GRK7: variants seen among roughly 807,000 people sequenced by gnomAD.
GRK7 encodes G protein-coupled receptor kinase 7, also known as rhodopsin kinase GRK7.
In GRK7, 24 loss-of-function variants were observed where a neutral mutation model predicts 34.1. That is an observed-to-expected ratio of 0.70 (90% CI 0.51 to 0.99). The LOEUF (loss-of-function observed/expected upper bound fraction) is 0.99, where lower values mean the gene tolerates loss of function less well. Ranked by LOEUF, GRK7 falls within the 50% of genes least tolerant of loss-of-function variation. The probability of loss-of-function intolerance (pLI) is 0.00; values close to 1 mark genes in which losing one functional copy is unlikely to be tolerated. For synonymous variants in GRK7, 256 were observed against 279.4 expected (o/e 0.92, Z 0.84); for missense variants, 644 against 707.3 (o/e 0.91, Z 1.02).
At chr3:141,804,631 ACACT>A (rs748822129) in intron 4 of GRK7, among the ~76,000 whole-genome samples, 13 of 151,098 alleles carry the variant, frequency 8.6e-5, no homozygotes, top group Admixed American at 5.3e-4. Flanking sequence ...ATACATACAC[ACACT>A]CACACACATG....
intron 4 of GRK7, among the ~76,000 whole-genome samples, chr3:141,799,958 T>C (rs1160566641): frequency 3.9e-5 from 6 of 152,200 alleles, no homozygotes; most frequent in Non-Finnish European, 8.8e-5. Flanking sequence ...TTAATGTCAC[T>C]CACCTTTGAA....
chr3:141,782,791 C>A (rs1434984897), intron 4 of GRK7, among the ~76,000 whole-genome samples: 2 of 142,286 alleles, frequency 1.4e-5, no homozygotes, highest in African/African-American at 2.6e-5. Context: ...GGCTACAAAG[C>A]GAGACTCCAT....
chr3:141,765,341 G>T lies in GRK7; in HGVS notation c.-612G>T, dbSNP rs1425137601. On this transcript the variant is annotated 5_prime_UTR_variant, in exon 1 of 6. Coordinates refer to ENST00000682958, the MANE Select transcript of GRK7 (RefSeq NM_139209.3). Reference sequence around the variant, plus strand: ...CTCATCATTTTCTCAATTCAGTCTTGCCTGACCACCCTATTTAAAAGTGAA... The same window carrying T: ...CTCATCATTTTCTCAATTCAGTCTTTCCTGACCACCCTATTTAAAAGTGAA... 6.6e-6 allele frequency among the ~76,000 whole-genome samples: 1 copy of T among 152,104 alleles called. No homozygotes were observed. The highest frequency in any genetic ancestry group is 1.5e-5 in the Non-Finnish European group (1 of 68,028).
At chr3:141,794,433 G>A (rs2084739829) in intron 4 of GRK7, among the ~76,000 whole-genome samples, 1 of 152,146 alleles carries the variant, frequency 6.6e-6, no homozygotes, top group African/African-American at 2.4e-5. Flanking sequence ...CTTGCTTTAG[G>A]GGAAATGAAA....
intron 4 of GRK7, among the ~76,000 whole-genome samples, chr3:141,797,471 C>G (rs1168378094): frequency 6.6e-6 from 1 of 152,224 alleles, no homozygotes; most frequent in South Asian, 2.1e-4. Context: ...GGCCAGGCCC[C>G]CCTCGGAGGA....
At chr3:141,753,875 C>G in the GRK7 span, among the ~76,000 whole-genome samples, 2 of 152,200 alleles carry the variant, frequency 1.3e-5, no homozygotes, top group Admixed American at 1.3e-4. Context: ...CAGATTATTA[C>G]TAACATTTAT....
chr3:141,775,819 G>A (rs1314438640), intron 2 of GRK7, among the ~76,000 whole-genome samples: 3 of 151,496 alleles, frequency 2.0e-5, no homozygotes, highest in African/African-American at 4.9e-5. Context: ...TAATGTAGTT[G>A]CTAGAAAATT....
At chr3:141,784,148 C>T (rs1484679550) in intron 4 of GRK7, among the ~76,000 whole-genome samples, 2 of 152,164 alleles carry the variant, frequency 1.3e-5, no homozygotes, top group Non-Finnish European at 2.9e-5. Flanking sequence ...AGGCTCTGTT[C>T]ATGGGCCATG....
At chr3:141,793,260 C>T (rs1430540140) in intron 4 of GRK7, among the ~76,000 whole-genome samples, 1 of 152,238 alleles carries the variant, frequency 6.6e-6, no homozygotes, top group Admixed American at 6.5e-5. Flanking sequence ...AAGGCCTGGA[C>T]TTGCCACTGG....
chr3:141,766,410 G>T (rs2677423), intron 1 of GRK7, among the ~76,000 whole-genome samples: 1 of 151,854 alleles, frequency 6.6e-6, no homozygotes, highest in Non-Finnish European at 1.5e-5. Context: ...TGATCCACCC[G>T]CCTCGGCCTC....
the GRK7 span, among the ~76,000 whole-genome samples, chr3:141,754,469 C>G: frequency 7.5e-6 from 1 of 133,370 alleles, no homozygotes; most frequent in Non-Finnish European, 1.5e-5. Context: ...GGGTCTCACT[C>G]TGTCACCCAG....
Position 141,800,394 on chromosome 3 carries a change from A to C in GRK7, c.1051-7251A>C, listed in dbSNP as rs559598229. ...ATTGTCATTTGTAAAAAAAAAAAAA[A>C]AAAAAAAAAAACTCTTCAAAATGAA... On this transcript the variant is annotated intron_variant, in intron 4 of 5. Coordinates refer to ENST00000682958, the MANE Select transcript of GRK7 (RefSeq NM_139209.3). Among the ~76,000 whole-genome samples the C allele has an allele frequency of 4.6e-5, 7 of 151,662 alleles. No individual in the cohort carries two copies. The South Asian group carries it at 1.2e-3, about 27-fold the overall frequency.
intron 1 of GRK7, among the ~76,000 whole-genome samples, chr3:141,773,636 G>T (rs1390343146): frequency 1.3e-5 from 2 of 152,046 alleles, no homozygotes; most frequent in African/African-American, 4.8e-5. Context: ...GGATGGTCTC[G>T]ATCTCCTGAC....
the GRK7 span, among the ~76,000 whole-genome samples, chr3:141,757,551 CATT>C: frequency 0.048 from 3,618 of 75,368 alleles, 82 homozygotes; most frequent in South Asian, 0.11. Context: ...TCCAGTCTAT[CATT>C]GTTGGACATT....
At chr3:141,762,235 A>G (rs1037709030), upstream of GRK7, among the ~76,000 whole-genome samples, 2 of 151,538 alleles carry the variant, frequency 1.3e-5, no homozygotes, top group Non-Finnish European at 2.9e-5. Flanking sequence ...TTTTATCCCC[A>G]TCTTTGTGGT....
chr3:141,794,274 C>T (rs2084739284), intron 4 of GRK7, among the ~76,000 whole-genome samples: 1 of 152,236 alleles, frequency 6.6e-6, no homozygotes, highest in African/African-American at 2.4e-5. Flanking sequence ...CCTCTGAGCA[C>T]AGGGCCCTGT....
intron 4 of GRK7, among the ~76,000 whole-genome samples, chr3:141,786,179 G>A (rs2084695293): frequency 6.6e-6 from 1 of 152,110 alleles, no homozygotes; most frequent in Non-Finnish European, 1.5e-5. Flanking sequence ...TTAAAGGAGA[G>A]GAGGAATGAG....
chr3:141,801,499 A>G (rs1047986571), intron 4 of GRK7, among the ~76,000 whole-genome samples: 1 of 152,158 alleles, frequency 6.6e-6, no homozygotes, highest in African/African-American at 2.4e-5. Context: ...AGAGACAATC[A>G]TTGTATGAAC....
chr3:141,771,337 C>T (rs2084615990), intron 1 of GRK7, among the ~76,000 whole-genome samples: 1 of 152,160 alleles, frequency 6.6e-6, no homozygotes, highest in Non-Finnish European at 1.5e-5. Context: ...CTAAGTGAAA[C>T]ATCTCAGAAA....
Sources: gnomAD v4.1 joint callset for allele counts (sites outside exome capture counted in the v4.1 genomes callset) on GRCh38, gnomAD v4.1.1 for gene constraint, MANE v1.5 for transcripts, NCBI Gene and HGNC (gene_info 2026-07-23, HGNC 2026-07-21) for gene names.